PARP4: variants seen among roughly 807,000 people sequenced by gnomAD.
The protein encoded by PARP4 is protein mono-ADP-ribosyltransferase PARP4.
PARP4 carries 120 observed loss-of-function variants against 187.7 expected under a neutral mutation model. The observed-to-expected ratio is 0.64, with a 90% CI of 0.55 to 0.74. The LOEUF (loss-of-function observed/expected upper bound fraction) is 0.74. Among genes scored for constraint, PARP4 ranks in the 30% least tolerant of loss-of-function variants. The pLI, the probability that PARP4 is intolerant of heterozygous loss-of-function variation, is 0.00. For missense variants in PARP4, 1,836 were observed against 2,070.5 expected (o/e 0.89, Z 2.20); for synonymous variants, 654 against 740.9 (o/e 0.88, Z 1.90).
intron 30 of PARP4, among the ~76,000 whole-genome samples, chr13:24,440,419 T>TAAA (rs71070698): frequency 4.8e-5 from 6 of 126,216 alleles, no homozygotes; most frequent in South Asian, 4.9e-4. Context: ...AAATTAAAAT[T>TAAA]AAAAAAAAAA....
rs766051615 is a variant in PARP4, at chr13:24,492,595, C to G, written c.880-1G>C. The stretch of plus-strand genomic sequence containing the variant: ...GGAGAATCCCCTCTGCCTTGCTCAC[C>G]TTTCAACAGATCATATATGCTTATT... On this transcript the variant is annotated splice_acceptor_variant, in intron 8 of 33. Transcript: ENST00000381989. LOFTEE classifies it high-confidence loss of function. 6.2e-7 allele frequency: 1 copy of G among 1,611,896 alleles called. No homozygotes were observed. Among genetic ancestry groups the G allele is most frequent in the Non-Finnish European group, 8.5e-7 (1 of 1,178,334 alleles).
intron 3 of PARP4, 37 bp downstream of exon 3, chr13:24,501,596 C>A: frequency 7.1e-7 from 1 of 1,409,702 alleles, no homozygotes; most frequent in Non-Finnish European, 1.0e-6. Flanking sequence ...TACTATGGCA[C>A]CTATGATACG....
intron 30 of PARP4, among the ~76,000 whole-genome samples, chr13:24,441,412 TA>T (rs1353781550): frequency 6.6e-6 from 1 of 152,250 alleles, no homozygotes; most frequent in East Asian, 1.9e-4. Context: ...TTCCAATTTT[TA>T]TTTAAGCCAC....
intron 12 of PARP4, among the ~76,000 whole-genome samples, chr13:24,483,485 T>G (rs1873387831): frequency 1.0e-5 from 1 of 96,308 alleles, no homozygotes; most frequent in Non-Finnish European, 2.1e-5. Context: ...AGAGCGAGAC[T>G]CCGTCTCAAA....
Position 24,491,653 on chromosome 13 carries a change from C to T in PARP4, c.1053+768G>A, listed in dbSNP as rs948328232. On this transcript the variant is annotated intron_variant, in intron 9 of 33. Coordinates refer to ENST00000381989, the MANE Select transcript of PARP4 (RefSeq NM_006437.4). ...CCCTGCATGCACAGATGAGGGAACA[C>T]GGACCAAGAGAGTGACTTCAGCCTA... Among the ~76,000 whole-genome samples the T allele has an allele frequency of 3.9e-5, 6 of 152,186 alleles. No homozygotes were observed. The East Asian group carries it at 7.7e-4, about 20-fold the overall frequency.
chr13:24,422,843 G>T (rs750257135), intron 33 of PARP4, among the ~76,000 whole-genome samples: 30 of 152,114 alleles, frequency 2.0e-4, no homozygotes, highest in African/African-American at 7.0e-4. Context: ...TCTTAACCTT[G>T]TGATCTGTCC....
chr13:24,504,303 G>A (rs1056617924), intron 1 of PARP4, among the ~76,000 whole-genome samples: 1 of 138,666 alleles, frequency 7.2e-6, no homozygotes, highest in African/African-American at 2.7e-5. Flanking sequence ...TCTGCATTTA[G>A]GTTCTTTTTT....
chr13:24,484,455 G>A (rs780288338), intron 12 of PARP4, among the ~76,000 whole-genome samples, 198 bp downstream of exon 12: 13 of 152,266 alleles, frequency 8.5e-5, no homozygotes, highest in East Asian at 1.9e-4. Flanking sequence ...GTACAGGCAC[G>A]AGCCACCATG....
chr13:24,434,493 G>A lies in PARP4; in HGVS notation c.4648C>T (p.Leu1550=). ...TCTTCTTTTACTTCCAGAAAGCACAGGATACTGTCATCTTTTGTATCACAT... is the reference window on the plus strand; with the variant it reads ...TCTTCTTTTACTTCCAGAAAGCACAAGATACTGTCATCTTTTGTATCACAT... ...IKCDTKDDSI[L]CFLEVKEEDE... Residue 1550 remains leucine (L), a synonymous_variant, in exon 31 of 34, where the codon CTG becomes TTG. Coordinates refer to ENST00000381989, the MANE Select transcript of PARP4 (RefSeq NM_006437.4). The A allele has an allele frequency of 6.2e-7, 1 of 1,613,668 alleles. No individual in the cohort carries two copies. The highest frequency in any genetic ancestry group is 8.5e-7 in the Non-Finnish European group (1 of 1,179,640).
In PARP4 at chr13:24,455,014, C is replaced by G. The variant is rs1451692348; in HGVS notation, c.2758+3G>C. On this transcript the variant is annotated splice_donor_region_variant and intron_variant, in intron 22 of 33. Coordinates refer to ENST00000381989, the MANE Select transcript of PARP4 (RefSeq NM_006437.4). ...CGCAGGACCAGGGCCAAAGCGCACT[C>G]ACCTGTGCCGAACTGGATAATATTT... The G allele has an allele frequency of 6.3e-7, 1 of 1,585,058 alleles. No homozygotes were observed. The highest frequency in any genetic ancestry group is 1.3e-5 in the African/African-American group (1 of 74,580).
chr13:24,502,788 T>C (rs1432482853), intron 2 of PARP4, among the ~76,000 whole-genome samples: 1 of 152,220 alleles, frequency 6.6e-6, no homozygotes, highest in Non-Finnish European at 1.5e-5. Flanking sequence ...CAGCTCAGTG[T>C]GGGAAGCTGT....
At chr13:24,449,126 C>T (rs1302054769) in intron 25 of PARP4, among the ~76,000 whole-genome samples, 6 of 152,134 alleles carry the variant, frequency 3.9e-5, no homozygotes, top group African/African-American at 7.2e-5. Flanking sequence ...CGGTGGCTCA[C>T]GCCTGTAATC....
At chr13:24,482,658 T>G (rs1311527829) in intron 12 of PARP4, among the ~76,000 whole-genome samples, 1 of 35,372 alleles carries the variant, frequency 2.8e-5, no homozygotes, top group Non-Finnish European at 6.8e-5. Context: ...TGTACATTGT[T>G]TTTTTTTTAA....
rs547272375 is a variant in PARP4, at chr13:24,469,812, G to C, written c.2046+82C>G. 18 of 1,441,876 alleles carry C rather than the reference G, an allele frequency of 1.2e-5. No homozygotes were observed. The Admixed American group carries it at 1.7e-4, about 13-fold the overall frequency. 89.3% of individuals were successfully genotyped at this position (1,441,876 alleles called of 1,614,324 possible). A position where few individuals can be genotyped will look rare whatever the true frequency, so the allele number is the denominator to read the frequency against. On this transcript the variant is annotated intron_variant, in intron 16 of 33. Coordinates refer to ENST00000381989, the MANE Select transcript of PARP4 (RefSeq NM_006437.4). ...GCTGCTACTCAACCTTGTAGCCATG[G>C]GGACTCCAAAAACAAAGGTTCTGGG... is the stretch of plus-strand genomic sequence containing the variant.
At chr13:24,427,609 T>C (rs1870125459) in intron 32 of PARP4, among the ~76,000 whole-genome samples, 1 of 152,194 alleles carries the variant, frequency 6.6e-6, no homozygotes, top group African/African-American at 2.4e-5. Flanking sequence ...ATTACTTTTT[T>C]TGAGTAAAGA....
chr13:24,424,677 T>C (rs1308735627), intron 33 of PARP4, among the ~76,000 whole-genome samples: 4 of 119,730 alleles, frequency 3.3e-5, no homozygotes, highest in Non-Finnish European at 6.9e-5. Context: ...TATGTACTTT[T>C]TTTTTTTTTT....
intron 10 of PARP4, 85 bp downstream of exon 10, chr13:24,490,583 A>T: frequency 1.0e-6 from 1 of 1,003,768 alleles, no homozygotes; most frequent in Non-Finnish European, 1.5e-6. Context: ...AAGATTATCT[A>T]GGTAATTACT....
In PARP4 at chr13:24,493,728, A is replaced by C. The variant is rs776620914; in HGVS notation, c.747T>G (p.Leu249=). The C allele has an allele frequency of 1.2e-6, 2 of 1,613,084 alleles. No individual in the cohort carries two copies. The highest frequency in any genetic ancestry group is 8.5e-7 in the Non-Finnish European group (1 of 1,179,806). Residue 249 remains leucine, a synonymous_variant, in exon 8 of 34, where the codon CTT becomes CTG. Coordinates refer to ENST00000381989, the MANE Select transcript of PARP4 (RefSeq NM_006437.4). ...TGCTTGAATTCATGACTTCCTCCAA[A>C]AGCAACTACAATAATAAAATAGAAA... is the stretch of plus-strand genomic sequence containing the variant. The part of the protein sequence containing the change: ...QLASEQLQAL[L]LEEVMNSSTL...
At chr13:24,505,752 T>A (rs941055323) in intron 1 of PARP4, among the ~76,000 whole-genome samples, 1 of 152,216 alleles carries the variant, frequency 6.6e-6, no homozygotes, top group Non-Finnish European at 1.5e-5. Flanking sequence ...CTGGTATTTG[T>A]CAATTTTTAA....
Sources: gnomAD v4.1 joint callset for allele counts (sites outside exome capture counted in the v4.1 genomes callset) on GRCh38, gnomAD v4.1.1 for gene constraint, MANE v1.5 for transcripts, NCBI Gene and HGNC (gene_info 2026-07-23, HGNC 2026-07-21) for gene names.